FBN2: variants seen among roughly 807,000 people sequenced by gnomAD.
FBN2 encodes the protein fibrillin 2.
A neutral mutation model predicts 355.6 loss-of-function variants in FBN2; 105 were observed. The observed-to-expected ratio is 0.30, with a 90% CI of 0.25 to 0.35. The LOEUF (loss-of-function observed/expected upper bound fraction) is 0.35, where lower values mean the gene tolerates loss of function less well. Among genes scored for constraint, FBN2 ranks in the 10% least tolerant of loss-of-function variants. The pLI, the probability that FBN2 is intolerant of heterozygous loss-of-function variation, is 1.00. For synonymous variants in FBN2, 1,350 were observed against 1,301.2 expected, an observed-to-expected ratio of 1.04 and a Z score of -0.81; for missense variants, 3,280 against 3,758.7, an observed-to-expected ratio of 0.87 and a Z score of 3.33.
At chr5:128,331,270 T>C (rs962206842) in intron 32 of FBN2, among the ~76,000 whole-genome samples, 13 of 152,162 alleles carry the variant, frequency 8.5e-5, no homozygotes, top group Non-Finnish European at 1.2e-4. Flanking sequence ...GATGCCCCCA[T>C]TGAGGAAGTA....
Position 128,294,408 on chromosome 5 carries a change from G to C in FBN2, c.6167-2754C>G, listed in dbSNP as rs1027854963. Among the ~76,000 whole-genome samples, 50 of 152,232 alleles carry C rather than the reference G, an allele frequency of 3.3e-4. 1 individual carries two copies. The highest frequency in any genetic ancestry group is 7.8e-4 in the Admixed American group (12 of 15,298). On this transcript the variant is annotated intron_variant, in intron 48 of 64. Coordinates refer to ENST00000262464, the MANE Select transcript of FBN2 (RefSeq NM_001999.4). ...TCTAGTTCTAGATCCCTGAGGAATC[G>C]CCACACTGACTTCCACAACGGTTGA...
chr5:128,353,774 G>A (rs183252101), intron 20 of FBN2, among the ~76,000 whole-genome samples: 6 of 152,264 alleles, frequency 3.9e-5, no homozygotes, highest in Admixed American at 3.3e-4. Flanking sequence ...GGCACACAGA[G>A]GTCAACCAAT....
At chr5:128,516,831 T>C (rs1756293302) in intron 5 of FBN2, among the ~76,000 whole-genome samples, 3 of 152,170 alleles carry the variant, frequency 2.0e-5, no homozygotes, top group Admixed American at 6.5e-5. Flanking sequence ...TTGAAAAAAA[T>C]TATGAACTTC....
chr5:128,379,382 A>T (rs988220411), intron 11 of FBN2, among the ~76,000 whole-genome samples: 7 of 152,052 alleles, frequency 4.6e-5, no homozygotes, highest in African/African-American at 1.7e-4. Context: ...TTTTTGGTGA[A>T]CTCATCTATG....
intron 7 of FBN2, among the ~76,000 whole-genome samples, chr5:128,432,156 T>G (rs995610590): frequency 1.3e-5 from 2 of 152,170 alleles, no homozygotes; most frequent in African/African-American, 4.8e-5. Flanking sequence ...TTTTAAAAAT[T>G]TAATATGAAC....
chr5:128,431,751 G>A (rs568675910), intron 7 of FBN2, among the ~76,000 whole-genome samples: 1 of 152,180 alleles, frequency 6.6e-6, no homozygotes, highest in South Asian at 2.1e-4. Context: ...TTGAATACAT[G>A]CGCTAAGATA....
intron 34 of FBN2, among the ~76,000 whole-genome samples, chr5:128,320,369 C>G (rs1750336704): frequency 6.6e-6 from 1 of 152,114 alleles, no homozygotes; most frequent in Non-Finnish European, 1.5e-5. Context: ...CAAACACCAT[C>G]ACACCTAGCT....
At chr5:128,356,215 G>T (rs1240480831) in intron 20 of FBN2, among the ~76,000 whole-genome samples, 2 of 150,160 alleles carry the variant, frequency 1.3e-5, no homozygotes, top group East Asian at 3.9e-4. Context: ...CTAATATGAA[G>T]AGCTGAACAA....
At chr5:128,426,104 C>T (rs890450785) in intron 7 of FBN2, among the ~76,000 whole-genome samples, 1 of 152,120 alleles carries the variant, frequency 6.6e-6, no homozygotes, top group Non-Finnish European at 1.5e-5. Flanking sequence ...ATAAACCCAA[C>T]AAGCCATTCA....
chr5:128,460,724 C>A (rs1754534263), intron 6 of FBN2, among the ~76,000 whole-genome samples: 1 of 152,162 alleles, frequency 6.6e-6, no homozygotes, highest in Admixed American at 6.5e-5. Flanking sequence ...ACCATCTGAT[C>A]TTCAACAAAC....
chr5:128,336,222 G>C (rs1040236443), intron 27 of FBN2, 109 bp from the exon 28 acceptor site: 7 of 1,048,198 alleles, frequency 6.7e-6, no homozygotes, highest in Non-Finnish European at 1.0e-5. Flanking sequence ...TGTACTTCAC[G>C]AGGAAGTAAA....
In FBN2 at chr5:128,333,046, T is replaced by C; in HGVS notation, c.4100-12A>G. 2 of 1,607,920 alleles carry C rather than the reference T, an allele frequency of 1.2e-6. No homozygotes were observed. The highest frequency in any genetic ancestry group is 1.7e-4 in the Middle Eastern group (1 of 6,036). On this transcript the variant is annotated splice_polypyrimidine_tract_variant and intron_variant, in intron 31 of 64. Transcript: ENST00000262464. ...ACACTCATCCACATCTGATAAACCA[T>C]AATTCATAAGAAGAAAATCAAAATA...
intron 37 of FBN2, 135 bp from the exon 38 acceptor site, chr5:128,312,088 C>T (rs547193382): frequency 1.5e-6 from 1 of 673,356 alleles, no homozygotes; most frequent in East Asian, 2.8e-5. Flanking sequence ...AGTGCCCTTT[C>T]AAATACATTT....
In FBN2 at chr5:128,325,434, C is replaced by T. The variant is rs567676819; in HGVS notation, c.4471+3262G>A. On this transcript the variant is annotated intron_variant, in intron 34 of 64. Coordinates refer to ENST00000262464, the MANE Select transcript of FBN2 (RefSeq NM_001999.4). Reference sequence around the variant, plus strand: ...TCAGAGACTAAGATTGCAATCTCTGCTTTTTATTTTGCTTTCCATTTGCTT... The same window carrying T: ...TCAGAGACTAAGATTGCAATCTCTGTTTTTTATTTTGCTTTCCATTTGCTT... Among the ~76,000 whole-genome samples, 4 of 152,306 alleles carry T rather than the reference C, an allele frequency of 2.6e-5. No individual in the cohort carries two copies. In the East Asian group the frequency reaches 7.7e-4, roughly 29 times the overall value.
At chr5:128,333,939 G>T (rs983064912) in intron 31 of FBN2, among the ~76,000 whole-genome samples, 3 of 150,732 alleles carry the variant, frequency 2.0e-5, no homozygotes, top group African/African-American at 7.3e-5. Flanking sequence ...TTTATAATCT[G>T]CCCCTTACTG....
rs1178214175 is a variant in FBN2, at chr5:128,258,802, A to T, written c.*653T>A. The T allele has an allele frequency of 2.0e-5, 3 of 153,166 alleles. No individual in the cohort carries two copies. Among genetic ancestry groups the T allele is most frequent in the Non-Finnish European group, 4.4e-5 (3 of 68,466 alleles). The allele number at this position is 153,166 out of a possible 1,614,324, so 9.5% of individuals were successfully genotyped here. A position where few individuals can be genotyped will look rare whatever the true frequency, so the allele number is the denominator to read the frequency against. On this transcript the variant is annotated 3_prime_UTR_variant, in exon 65 of 65. Coordinates refer to ENST00000262464, the MANE Select transcript of FBN2 (RefSeq NM_001999.4). Reference sequence around the variant, plus strand: ...TTGGCTTCGATCTACGTTATAAAGGATCTAATGACATTCATGTTTTTTAAA... The same window carrying T: ...TTGGCTTCGATCTACGTTATAAAGGTTCTAATGACATTCATGTTTTTTAAA...
intron 6 of FBN2, among the ~76,000 whole-genome samples, chr5:128,463,473 G>A (rs1284903475): frequency 6.6e-6 from 1 of 152,090 alleles, no homozygotes; most frequent in Non-Finnish European, 1.5e-5. Flanking sequence ...GTCGGTAAAT[G>A]TTTTAGTTAT....
In FBN2 at chr5:128,519,381, A is replaced by G; in HGVS notation, c.533-13T>C. ...TTTTCACAGACAGCTGCATACAAAA[A>G]TAGCAAGAAGCTCATTATATAGCCA... On this transcript the variant is annotated splice_polypyrimidine_tract_variant and intron_variant, in intron 4 of 64. Coordinates refer to ENST00000262464, the MANE Select transcript of FBN2 (RefSeq NM_001999.4). 5 of 1,609,286 alleles carry G rather than the reference A, an allele frequency of 3.1e-6. No individual in the cohort carries two copies. In the African/African-American group the frequency reaches 5.3e-5, roughly 17 times the overall value.
intron 5 of FBN2, among the ~76,000 whole-genome samples, chr5:128,466,910 T>C (rs1428425655): frequency 1.3e-5 from 2 of 152,214 alleles, no homozygotes; most frequent in African/African-American, 4.8e-5. Context: ...TATTTTGTCA[T>C]TTTAAATAAA....
Sources: allele counts gnomAD v4.1 joint callset (sites outside exome capture counted in the v4.1 genomes callset), GRCh38; gene constraint gnomAD v4.1.1; transcripts MANE v1.5; gene names NCBI Gene and HGNC (gene_info 2026-07-23, HGNC 2026-07-21).